Variants in PLCH1 observed in about 807,000 individuals in gnomAD.
PLCH1 encodes 1-phosphatidylinositol 4,5-bisphosphate phosphodiesterase eta-1.
A neutral mutation model predicts 126.7 loss-of-function variants in PLCH1; 60 were observed. The observed-to-expected ratio is 0.47, with a 90% CI of 0.38 to 0.59. The LOEUF is 0.59. Ranked by LOEUF, PLCH1 falls within the 20% of genes least tolerant of loss-of-function variation. The pLI, the probability that PLCH1 is intolerant of heterozygous loss-of-function variation, is 0.00. For synonymous variants in PLCH1, 719 were observed against 734.9 expected, an observed-to-expected ratio of 0.98 and a Z score of 0.35; for missense variants, 1,723 against 2,040.0, an observed-to-expected ratio of 0.84 and a Z score of 2.99.
At chr3:155,532,651 C>G (rs553643709) in intron 10 of PLCH1, among the ~76,000 whole-genome samples, 5 of 152,322 alleles carry the variant, frequency 3.3e-5, no homozygotes, top group African/African-American at 1.2e-4. Flanking sequence ...CTCCTGCCAT[C>G]TTCTGAAGAA....
chr3:155,535,581 T>C (rs1480778659), intron 10 of PLCH1, among the ~76,000 whole-genome samples: 6 of 152,096 alleles, frequency 3.9e-5, no homozygotes, highest in Non-Finnish European at 8.8e-5. Flanking sequence ...CATAACTCCA[T>C]TGGACTGAGA....
chr3:155,708,663 G>C (rs568925553), intron 1 of PLCH1, among the ~76,000 whole-genome samples: 5 of 152,232 alleles, frequency 3.3e-5, no homozygotes, highest in African/African-American at 1.2e-4. Flanking sequence ...CCTGCATCTT[G>C]TATCCAGTTT....
At chr3:155,680,281 G>A (rs746858292) in intron 2 of PLCH1, among the ~76,000 whole-genome samples, 7 of 151,994 alleles carry the variant, frequency 4.6e-5, no homozygotes, top group African/African-American at 7.3e-5. Context: ...TACTCAGGAG[G>A]CTGAGGCAGG....
At chr3:155,704,504 A>G (rs1413895223) in intron 1 of PLCH1, among the ~76,000 whole-genome samples, 1 of 152,170 alleles carries the variant, frequency 6.6e-6, no homozygotes, top group Non-Finnish European at 1.5e-5. Context: ...TCAGGGCTCA[A>G]TGTTACCCAT....
chr3:155,500,618 A>G (rs994172995), intron 14 of PLCH1, 85 bp downstream of exon 14: 5 of 796,776 alleles, frequency 6.3e-6, no homozygotes, highest in African/African-American at 5.2e-5. Context: ...CCAATTCTCT[A>G]GACATGTACA....
intron 21 of PLCH1, among the ~76,000 whole-genome samples, chr3:155,464,352 T>A (rs1297594041): frequency 6.6e-6 from 1 of 152,104 alleles, no homozygotes; most frequent in Non-Finnish European, 1.5e-5. Flanking sequence ...AATTTTTAAG[T>A]GGAAAAGGTG....
At chr3:155,743,758 C>T (rs1749789888) in intron 1 of PLCH1, 1 of 333,084 alleles carries the variant, frequency 3.0e-6, no homozygotes, top group Non-Finnish European at 5.8e-6. Context: ...TGCCAATAAA[C>T]AGGACATGGG....
intron 6 of PLCH1, among the ~76,000 whole-genome samples, chr3:155,579,559 T>A (rs2108577009): frequency 6.6e-6 from 1 of 152,330 alleles, no homozygotes; most frequent in East Asian, 1.9e-4. Flanking sequence ...AAAACTTCCA[T>A]GCCAAATGAA....
chr3:155,549,746 T>G (rs780163477), intron 10 of PLCH1, 41 bp downstream of exon 10: 13 of 1,416,264 alleles, frequency 9.2e-6, no homozygotes, highest in Non-Finnish European at 1.2e-5. Context: ...CAGGCTTAGC[T>G]GATAATGAAT....
At chr3:155,468,398 C>T (rs1391664082) in intron 21 of PLCH1, among the ~76,000 whole-genome samples, 1 of 152,042 alleles carries the variant, frequency 6.6e-6, no homozygotes, top group Non-Finnish European at 1.5e-5. Context: ...AGGAGTAAGT[C>T]CTAAAAATGA....
In PLCH1 at chr3:155,564,986, T is replaced by A. The variant is rs776567290; in HGVS notation, c.998A>T (p.Asp333Val). Residue 333 changes from aspartate to valine, a missense_variant, in exon 8 of 23, where the codon GAC becomes GTC. By Grantham distance (152) the Asp-to-Val change is radical (BLOSUM62 -3). This residue lies in a region of PLCH1 where 776 missense variants were observed against 1,062.9 expected (regional missense o/e 0.73). Transcript: ENST00000460012. ...CACTTTGGACTGAGAAAGGAGCTGGTCTCCAGTCAGGTATGTATTGTGAGA... is the reference window on the plus strand; with the variant it reads ...CACTTTGGACTGAGAAAGGAGCTGGACTCCAGTCAGGTATGTATTGTGAGA... ...ASSHNTYLTGDQLLSQSKVDM... is the reference protein window; with the variant it reads ...ASSHNTYLTGVQLLSQSKVDM... The A allele has an allele frequency of 1.2e-6, 2 of 1,613,912 alleles. No individual in the cohort carries two copies. Among genetic ancestry groups the A allele is most frequent in the Non-Finnish European group, 1.7e-6 (2 of 1,179,808 alleles).
At chr3:155,506,192 T>C (rs916110434) in intron 12 of PLCH1, among the ~76,000 whole-genome samples, 10 of 152,066 alleles carry the variant, frequency 6.6e-5, no homozygotes, top group Non-Finnish European at 1.5e-4. Flanking sequence ...TAAATTCCAA[T>C]TTTACAGAAA....
intron 1 of PLCH1, among the ~76,000 whole-genome samples, chr3:155,735,833 T>C (rs950443473): frequency 2.0e-5 from 3 of 152,210 alleles, no homozygotes; most frequent in Non-Finnish European, 2.9e-5. Flanking sequence ...TATGCTGATA[T>C]ATAATGATAC....
intron 14 of PLCH1, among the ~76,000 whole-genome samples, chr3:155,498,638 G>C (rs1717425480): frequency 6.6e-6 from 1 of 152,120 alleles, no homozygotes; most frequent in Non-Finnish European, 1.5e-5. Flanking sequence ...TACACCTAAA[G>C]GGAAATATGC....
At chr3:155,587,246 G>A (rs1177095966) in intron 4 of PLCH1, among the ~76,000 whole-genome samples, 1 of 152,030 alleles carries the variant, frequency 6.6e-6, no homozygotes, top group Non-Finnish European at 1.5e-5. Flanking sequence ...ATAAATATAG[G>A]GCTTATCTTC....
chr3:155,532,092 A>G (rs1031557177), intron 10 of PLCH1, among the ~76,000 whole-genome samples: 2 of 152,218 alleles, frequency 1.3e-5, no homozygotes, highest in Admixed American at 1.3e-4. Flanking sequence ...GTCTTTTAAC[A>G]CATCTTCCTC....
chr3:155,630,788 C>G (rs1459191436), intron 2 of PLCH1, among the ~76,000 whole-genome samples: 1 of 152,158 alleles, frequency 6.6e-6, no homozygotes, highest in African/African-American at 2.4e-5. Context: ...TCTTTATTCT[C>G]TTCCCTGTTT....
chr3:155,719,187 T>G lies in PLCH1; in HGVS notation c.-40-14923A>C, dbSNP rs191761999. On this transcript the variant is annotated intron_variant, in intron 1 of 22. Transcript: ENST00000460012. ...CCCTCCTTCTACCCTTTCCCCTGAG[T>G]CCCCAAAGTCCATAGTATCATTCTT... Among the ~76,000 whole-genome samples, 125 of 152,254 alleles carry G rather than the reference T, an allele frequency of 8.2e-4. 1 individual carries two copies. Among genetic ancestry groups the G allele is most frequent in the African/African-American group, 2.9e-3 (121 of 41,548 alleles).
intron 10 of PLCH1, among the ~76,000 whole-genome samples, chr3:155,543,890 G>A (rs1173921604): frequency 2.1e-4 from 32 of 151,538 alleles, no homozygotes; most frequent in South Asian, 8.4e-4. Flanking sequence ...TGAAGGAAGC[G>A]CTAAACATGG....
Sources: gnomAD v4.1 joint callset for allele counts (sites outside exome capture counted in the v4.1 genomes callset) on GRCh38, gnomAD v4.1.1 for gene constraint, gnomAD v4.1.1 regional missense constraint, MANE v1.5 for transcripts, NCBI Gene and HGNC (gene_info 2026-07-23, HGNC 2026-07-21) for gene names.